The following TLN2 variants were observed in gnomAD, a reference collection of about 807,000 sequenced individuals.
TLN2 encodes the protein talin 2.
A neutral mutation model predicts 294.7 loss-of-function variants in TLN2; 118 were observed. The observed-to-expected ratio is 0.40, with a 90% CI of 0.34 to 0.47. TLN2 has a LOEUF of 0.47. Among genes scored for constraint, TLN2 ranks in the 20% least tolerant of loss-of-function variants. TLN2 has a pLI of 0.84. For missense variants in TLN2, 3,083 were observed against 3,282.2 expected, an observed-to-expected ratio of 0.94 and a Z score of 1.48; for synonymous variants, 1,431 against 1,304.5, an observed-to-expected ratio of 1.10 and a Z score of -2.09.
chr15:62,702,799 A>G lies in TLN2; in HGVS notation c.1939A>G (p.Ile647Val). The G allele has an allele frequency of 3.1e-6, 5 of 1,614,214 alleles. No individual in the cohort carries two copies. The highest frequency in any genetic ancestry group is 4.2e-6 in the Non-Finnish European group (5 of 1,180,026). The change falls in exon 19 of 59, where the codon ATC becomes GTC. Residue 647 changes from isoleucine (I) to valine (V), a missense_variant. Physicochemically the swap from Ile to Val is conservative, Grantham distance 29. Transcript: ENST00000636159. Reference protein sequence around the residue: ...RQTVLTAAGSIGQASGDLLRQ... With the variant: ...RQTVLTAAGSVGQASGDLLRQ... ...GACAGTTTTGACTGCTGCTGGCAGC[A>G]TCGGACAAGCCAGTGGGGATCTTCT...
intron 2 of TLN2, among the ~76,000 whole-genome samples, chr15:62,596,154 A>C (rs528307901): frequency 6.7e-6 from 1 of 150,370 alleles, no homozygotes; most frequent in South Asian, 2.1e-4. Context: ...AGTCCCAGCT[A>C]CTCTGGAGGC....
At chr15:62,752,763 G>T (rs906091601) in intron 35 of TLN2, among the ~76,000 whole-genome samples, 1 of 152,086 alleles carries the variant, frequency 6.6e-6, no homozygotes, top group African/African-American at 2.4e-5. Flanking sequence ...ATTTGCTAAG[G>T]CTTTAGAAAT....
intron 1 of TLN2, among the ~76,000 whole-genome samples, chr15:62,458,835 G>C (rs995492833): frequency 1.3e-5 from 2 of 151,994 alleles, no homozygotes; most frequent in African/African-American, 4.8e-5. Context: ...GCATGTCCCT[G>C]CTTACTTAAT....
rs772831644 is a variant in TLN2, at chr15:62,660,429, G to C, written c.788+2531G>C. On this transcript the variant is annotated intron_variant, in intron 9 of 58. Coordinates refer to ENST00000636159, the MANE Select transcript of TLN2 (RefSeq NM_015059.3). ...AGAATAAGTGCTAGAGAGAGACAGA[G>C]ACAAGGCCCAGAACAGTCAAGTGTG... Among the ~76,000 whole-genome samples the C allele has an allele frequency of 2.6e-5, 4 of 152,192 alleles. No individual in the cohort carries two copies. In the East Asian group the frequency reaches 7.7e-4, roughly 29 times the overall value.
At chr15:62,764,228 G>C (rs1339477643) in intron 40 of TLN2, among the ~76,000 whole-genome samples, 1 of 152,096 alleles carries the variant, frequency 6.6e-6, no homozygotes, top group African/African-American at 2.4e-5. Context: ...TTTCTTGCTT[G>C]TTTTTCCAAA....
intron 54 of TLN2, chr15:62,830,654 G>C (rs542548215): frequency 6.6e-6 from 1 of 152,156 alleles, no homozygotes; most frequent in African/African-American, 2.4e-5. Flanking sequence ...ATGAGGACAC[G>C]TTAAGTATTG....
intron 1 of TLN2, among the ~76,000 whole-genome samples, chr15:62,485,097 C>G (rs1318480955): frequency 6.6e-6 from 1 of 152,186 alleles, no homozygotes; most frequent in African/African-American, 2.4e-5. Context: ...CTCTGACCCT[C>G]CTTTCATCTT....
rs745713228 is a variant in TLN2, at chr15:62,686,675, G to A, written c.992G>A (p.Arg331His). ...AAAGGCAAGAACAAGCTGGTGCCTC[G>A]CCTGCTGGGGATCACCAAAGACTCG... ...KMKGKNKLVP[R>H]LLGITKDSVM... The change falls in exon 12 of 59, where the codon CGC (arginine) becomes CAC (histidine). Residue 331 changes from arginine (R) to histidine (H), a missense_variant. Coordinates refer to ENST00000636159, the MANE Select transcript of TLN2 (RefSeq NM_015059.3). The A allele has an allele frequency of 1.3e-5, 21 of 1,613,720 alleles. No homozygotes were observed. The highest frequency in any genetic ancestry group is 1.7e-5 in the Admixed American group (1 of 59,970).
chr15:62,747,588 A>G (rs2140986976), intron 32 of TLN2, among the ~76,000 whole-genome samples: 1 of 152,238 alleles, frequency 6.6e-6, no homozygotes, highest in Admixed American at 6.5e-5. Flanking sequence ...AAATAGTGCT[A>G]ATATGGTCTA....
chr15:62,710,720 C>CTTTTTTTTTTTTTTTTTTT (rs71287048), intron 21 of TLN2, among the ~76,000 whole-genome samples: 2 of 77,046 alleles, frequency 2.6e-5, no homozygotes, highest in Non-Finnish European at 2.4e-5. Flanking sequence ...TGCTGATGTC[C>CTTTTTTTTTTTTTTTTTTT]TTTTTTTTTT....
intron 3 of TLN2, among the ~76,000 whole-genome samples, chr15:62,639,744 A>G (rs886964469): frequency 1.3e-5 from 2 of 152,204 alleles, no homozygotes; most frequent in East Asian, 3.9e-4. Flanking sequence ...GAGCCTCTCC[A>G]CTCAGGCCCT....
rs758654364 is a variant in TLN2 at position 62,737,003 on chromosome 15, G to C, written c.3484G>C (p.Glu1162Gln). The change falls in exon 29 of 59, where the codon GAG becomes CAG. Residue 1162 changes from glutamate to glutamine, a missense_variant. Physicochemically the swap from Glu to Gln is conservative, Grantham distance 29. Coordinates refer to ENST00000636159, the MANE Select transcript of TLN2 (RefSeq NM_015059.3). Reference sequence around the variant, plus strand: ...GTTAGATTCTGCTCGAGACGTGATGGAGGGCTCCGCCATGCTCATTCAAGA... The same window carrying C: ...GTTAGATTCTGCTCGAGACGTGATGCAGGGCTCCGCCATGCTCATTCAAGA... ...AMLDSARDVM[E>Q]GSAMLIQEAK... 6.2e-7 allele frequency: 1 copy of C among 1,614,218 alleles called. No individual in the cohort carries two copies. Among genetic ancestry groups the C allele is most frequent in the Non-Finnish European group, 8.5e-7 (1 of 1,180,036 alleles).
intron 1 of TLN2, among the ~76,000 whole-genome samples, chr15:62,398,831 T>C (rs1156231673): frequency 1.3e-5 from 2 of 152,208 alleles, no homozygotes; most frequent in Admixed American, 1.3e-4. Context: ...ATTTGTAGCC[T>C]GACGCAGTAG....
chr15:62,746,321 T>G (rs190970420), intron 32 of TLN2, among the ~76,000 whole-genome samples: 2 of 152,050 alleles, frequency 1.3e-5, no homozygotes, highest in Admixed American at 6.5e-5. Context: ...CCCCAGGAGG[T>G]ACTTTAAAAG....
At chr15:62,562,574 G>T (rs760682947) in intron 1 of TLN2, among the ~76,000 whole-genome samples, 1 of 149,432 alleles carries the variant, frequency 6.7e-6, no homozygotes, top group Non-Finnish European at 1.5e-5. Flanking sequence ...GGTTTTTGGG[G>T]AACAGGTGGT....
intron 1 of TLN2, among the ~76,000 whole-genome samples, chr15:62,409,210 C>A (rs1595741031): frequency 1.3e-5 from 2 of 151,848 alleles, no homozygotes; most frequent in Non-Finnish European, 2.9e-5. Flanking sequence ...TGAGCTCAAG[C>A]CTTCCGCCTG....
chr15:62,605,764 T>C (rs1366221634), intron 2 of TLN2, among the ~76,000 whole-genome samples: 1 of 152,186 alleles, frequency 6.6e-6, no homozygotes, highest in Non-Finnish European at 1.5e-5. Context: ...CTAAGTCACG[T>C]TGGACACCGT....
chr15:62,683,767 G>C (rs756839460), intron 11 of TLN2, among the ~76,000 whole-genome samples: 5 of 152,144 alleles, frequency 3.3e-5, no homozygotes, highest in Non-Finnish European at 7.4e-5. Context: ...AGCCTGCTTT[G>C]TCTACTGGAG....
intron 20 of TLN2, among the ~76,000 whole-genome samples, 183 bp downstream of exon 20, chr15:62,707,436 G>T (rs2059139260): frequency 6.6e-6 from 1 of 152,212 alleles, no homozygotes; most frequent in Admixed American, 6.5e-5. Flanking sequence ...TTTATCATTT[G>T]TTCTTTGCCC....
Sources: gnomAD v4.1 joint callset for allele counts (sites outside exome capture counted in the v4.1 genomes callset) on GRCh38, gnomAD v4.1.1 for gene constraint, MANE v1.5 for transcripts, NCBI Gene and HGNC (gene_info 2026-07-23, HGNC 2026-07-21) for gene names.